CBFA2T3: variants seen among roughly 807,000 people sequenced by gnomAD.
CBFA2T3 encodes the protein CBFA2/RUNX1 partner transcriptional co-repressor 3, also known as transcriptional corepressor CBFA2T3.
A neutral mutation model predicts 58.6 loss-of-function variants in CBFA2T3; 31 were observed. That is an observed-to-expected ratio of 0.53 (90% confidence interval 0.40 to 0.71). The LOEUF (loss-of-function observed/expected upper bound fraction) is 0.71. CBFA2T3 is among the 30% of genes least tolerant of loss of function. The pLI, the probability that CBFA2T3 is intolerant of heterozygous loss-of-function variation, is 0.00. For synonymous variants in CBFA2T3, 531 were observed against 421.9 expected (o/e 1.26, Z -3.17); for missense variants, 1,076 against 963.1 (o/e 1.12, Z -1.55).
At chr16:88,974,849 C>T (rs1972757119) in intron 1 of CBFA2T3, among the ~76,000 whole-genome samples, 1 of 152,146 alleles carries the variant, frequency 6.6e-6, no homozygotes, top group South Asian at 2.1e-4. Flanking sequence ...CACATCTGTC[C>T]CCTGGGGGCC....
intron 1 of CBFA2T3, among the ~76,000 whole-genome samples, chr16:88,922,615 G>A (rs1970958270): frequency 6.6e-6 from 1 of 152,232 alleles, no homozygotes; most frequent in Non-Finnish European, 1.5e-5. Flanking sequence ...GCCTTCCCGA[G>A]GGCGGGGTCA....
chr16:88,921,451 C>T (rs984714970), intron 1 of CBFA2T3, among the ~76,000 whole-genome samples: 2 of 152,188 alleles, frequency 1.3e-5, no homozygotes, highest in African/African-American at 2.4e-5. Context: ...GGTGGTGGCA[C>T]GTGGCCAGCC....
In CBFA2T3 at chr16:88,876,817, G is replaced by T. The variant is rs1457154808; in HGVS notation, c.*159C>A. 5.5e-6 allele frequency: 3 copies of T among 547,376 alleles called. No homozygotes were observed. Among genetic ancestry groups the T allele is most frequent in the African/African-American group, 4.0e-5 (2 of 49,862 alleles). The allele number at this position is 547,376 out of a possible 1,614,324, so 33.9% of individuals were successfully genotyped here. On this transcript the variant is annotated 3_prime_UTR_variant, in exon 12 of 12. Coordinates refer to ENST00000268679, the MANE Select transcript of CBFA2T3 (RefSeq NM_005187.6). ...TGGTTCTGTGTCTTCTTTCGGAGAG[G>T]GGCAGTAGCAGCAGTGACTAATTGG...
At chr16:88,960,979 A>T (rs1468193375) in intron 1 of CBFA2T3, among the ~76,000 whole-genome samples, 1 of 152,224 alleles carries the variant, frequency 6.6e-6, no homozygotes, top group East Asian at 1.9e-4. Flanking sequence ...CGATTTAAAA[A>T]TTTGTTTATC....
chr16:88,884,983 C>T (rs1969298264), intron 7 of CBFA2T3, 63 bp downstream of exon 7: 4 of 1,269,910 alleles, frequency 3.1e-6, no homozygotes, highest in Non-Finnish European at 4.4e-6. Context: ...CTCAGGTGTA[C>T]ATGTGGGCGC....
In CBFA2T3 at chr16:88,885,681, G is replaced by C. The variant is rs1475669980; in HGVS notation, c.893+280C>G. On this transcript the variant is annotated intron_variant, in intron 6 of 11. Transcript: ENST00000268679. This position sits in a 1 kb window ranked among gnomAD's most constrained non-coding sequence, Gnocchi z 5.3. Reference sequence around the variant, plus strand: ...GGACCATGGACCCCGGACGCTCGGAGTCCATGCCCGGCACACAGGGGAGAG... The same window carrying C: ...GGACCATGGACCCCGGACGCTCGGACTCCATGCCCGGCACACAGGGGAGAG... The C allele has an allele frequency of 2.1e-6, 1 of 484,854 alleles. No individual in the cohort carries two copies. The highest frequency in any genetic ancestry group is 3.8e-5 in the East Asian group (1 of 26,644). 30.0% of individuals were successfully genotyped at this position (484,854 alleles called of 1,614,324 possible). A position where few individuals can be genotyped will look rare whatever the true frequency, so the allele number is the denominator to read the frequency against.
chr16:88,930,071 T>A (rs1345234610), intron 1 of CBFA2T3, among the ~76,000 whole-genome samples: 1 of 142,154 alleles, frequency 7.0e-6, no homozygotes, highest in African/African-American at 2.9e-5. Context: ...ACGCAAAAGC[T>A]ACCAATACCC....
chr16:88,881,699 T>C, intron 8 of CBFA2T3: 1 of 544,708 alleles, frequency 1.8e-6, no homozygotes, highest in Non-Finnish European at 3.3e-6. Flanking sequence ...GGTACCAGAC[T>C]CACATGGACA....
chr16:88,940,482 CCA>C (rs1744560085), intron 1 of CBFA2T3: 1 of 153,132 alleles, frequency 6.5e-6, no homozygotes, highest in South Asian at 2.1e-4. Flanking sequence ...GCCATCGCTG[CCA>C]CCCGGCTGTG....
chr16:88,910,217 T>C (rs751160261), intron 1 of CBFA2T3, among the ~76,000 whole-genome samples: 3 of 152,218 alleles, frequency 2.0e-5, no homozygotes, highest in Non-Finnish European at 4.4e-5. Flanking sequence ...TCCCCGCAAG[T>C]CTGCCTCTCA....
intron 10 of CBFA2T3, 93 bp from the exon 11 acceptor site, chr16:88,879,553 GC>G (rs1185028682): frequency 8.4e-5 from 93 of 1,108,220 alleles, no homozygotes; most frequent in Non-Finnish European, 1.2e-4. Flanking sequence ...GGGGACAGGG[GC>G]TGTGTGCAGC....
chr16:88,905,825 C>T (rs1205147976), intron 1 of CBFA2T3, among the ~76,000 whole-genome samples: 2 of 151,056 alleles, frequency 1.3e-5, no homozygotes, highest in African/African-American at 4.9e-5. Flanking sequence ...CTGGGCTGCC[C>T]AGCTGCAGGA....
intron 1 of CBFA2T3, chr16:88,951,389 A>G (rs1451626425): frequency 8.8e-6 from 4 of 452,790 alleles, no homozygotes; most frequent in Non-Finnish European, 1.8e-5. Flanking sequence ...TTATCATACA[A>G]TTCTTTGAGA....
At chr16:88,968,946 C>T (rs1171592870) in intron 1 of CBFA2T3, among the ~76,000 whole-genome samples, 1 of 152,190 alleles carries the variant, frequency 6.6e-6, no homozygotes, top group East Asian at 1.9e-4. Flanking sequence ...CGCTGCAGGC[C>T]TCACACAAAT....
At chr16:88,882,413 G>A (rs114787316) in intron 8 of CBFA2T3, among the ~76,000 whole-genome samples, 2,393 of 150,524 alleles carry the variant, frequency 0.016, 61 homozygotes, top group African/African-American at 0.057. Flanking sequence ...GGGTGTGGCT[G>A]TGTGTGTATG....
At position 88,950,481 on chromosome 16, in the gene CBFA2T3, C is replaced by T. The variant is rs1433871302; in HGVS notation, c.151+26176G>A. The stretch of plus-strand genomic sequence containing the variant: ...GGATCTGTTCACCCCTCCCCCGGAC[C>T]GGCACCGCCACAGAGGGTCAGGAGT... On this transcript the variant is annotated intron_variant, in intron 1 of 11. Transcript: ENST00000268679. 33 of 412,498 alleles carry T rather than the reference C, an allele frequency of 8.0e-5. 1 individual carries two copies. Among genetic ancestry groups the T allele is most frequent in the East Asian group, 1.5e-4 (2 of 13,098 alleles). 25.6% of individuals were successfully genotyped at this position (412,498 alleles called of 1,614,324 possible).
At chr16:88,893,495 C>T (rs536337389) in intron 3 of CBFA2T3, among the ~76,000 whole-genome samples, 7 of 152,338 alleles carry the variant, frequency 4.6e-5, no homozygotes, top group African/African-American at 1.7e-4. Flanking sequence ...ACAGCCCCAA[C>T]GCCTGCTAAT....
Position 88,901,556 on chromosome 16 carries a change from C to A in CBFA2T3, c.252G>T (p.Pro84=), listed in dbSNP as rs539654957. ...GTGTGGCCCCCTGGGATGCGGCAGG[C>A]GGTGGGGGCGGCATGCTGGGGGGTG... ...RSTPPSMPPP[P]PAASQGATRP... The change falls in exon 2 of 12, where the codon CCG becomes CCT. Residue 84 remains proline, a synonymous_variant. Transcript: ENST00000268679. 3 of 1,477,496 alleles carry A rather than the reference C, an allele frequency of 2.0e-6. No homozygotes were observed. The highest frequency in any genetic ancestry group is 1.5e-5 in the African/African-American group (1 of 67,370). The allele number at this position is 1,477,496 out of a possible 1,614,324, so 91.5% of individuals were successfully genotyped here. A position where few individuals can be genotyped will look rare whatever the true frequency, so the allele number is the denominator to read the frequency against.
chr16:88,890,661 CTG>C (rs1450560169), intron 5 of CBFA2T3, among the ~76,000 whole-genome samples: 1 of 152,240 alleles, frequency 6.6e-6, no homozygotes, highest in Non-Finnish European at 1.5e-5. Flanking sequence ...CCCGTCCCGT[CTG>C]TGTGTGCGTG....
Sources: allele counts gnomAD v4.1 joint callset (sites outside exome capture counted in the v4.1 genomes callset), GRCh38; gene constraint gnomAD v4.1.1; non-coding constraint Gnocchi (gnomAD v3.1); transcripts MANE v1.5; gene names NCBI Gene and HGNC (gene_info 2026-07-23, HGNC 2026-07-21).